The following LYPLA1 variants were observed in gnomAD, a reference collection of about 807,000 sequenced individuals.
The protein encoded by LYPLA1 is acyl-protein thioesterase 1.
Under a neutral mutation model 34.0 loss-of-function variants are expected in LYPLA1, and 17 were observed. That is an observed-to-expected ratio of 0.50 (90% CI 0.34 to 0.75). The LOEUF is 0.75. Ranked by LOEUF, LYPLA1 falls within the 30% of genes least tolerant of loss-of-function variation. LYPLA1 has a pLI of 0.01. For synonymous variants in LYPLA1, 98 were observed against 100.8 expected, an observed-to-expected ratio of 0.97 and a Z score of 0.17; for missense variants, 203 against 288.8, an observed-to-expected ratio of 0.70 and a Z score of 2.15.
chr8:54,068,004 C>G (rs1017929848), intron 2 of LYPLA1, among the ~76,000 whole-genome samples: 12 of 152,016 alleles, frequency 7.9e-5, no homozygotes, highest in Non-Finnish European at 1.5e-4. Flanking sequence ...AAATACTTTT[C>G]TATTAACTAT....
In LYPLA1 at chr8:54,065,775, GA is replaced by G; in HGVS notation, c.139del (p.Ser47HisfsTer17). 1 of 1,613,902 alleles carries G rather than the reference GA, an allele frequency of 6.2e-7. No homozygotes were observed. Among genetic ancestry groups the G allele is most frequent in the Non-Finnish European group, 8.5e-7 (1 of 1,179,868 alleles). On this transcript the variant is annotated frameshift_variant, in exon 3 of 9. Transcript: ENST00000316963. LOFTEE classifies it high-confidence loss of function. ...WAEAFAGIRS[S>X]HIKYICPHAP... Reference sequence around the variant, plus strand: ...ATGCGGGCAGATATATTTGATATGTGAACTTCTGATACCTGCAAAGGCTTCT... The same window carrying G: ...ATGCGGGCAGATATATTTGATATGTGACTTCTGATACCTGCAAAGGCTTCT...
chr8:54,096,917 A>G (rs990895921), intron 2 of LYPLA1, among the ~76,000 whole-genome samples: 1 of 152,158 alleles, frequency 6.6e-6, no homozygotes, highest in Non-Finnish European at 1.5e-5. Flanking sequence ...GTCTCAAAAA[A>G]TAAACAAATA....
Position 54,063,364 on chromosome 8 carries a change from G to C in LYPLA1, c.179C>G (p.Pro60Arg). 2.0e-6 allele frequency: 3 copies of C among 1,534,574 alleles called. No homozygotes were observed. Among genetic ancestry groups the C allele is most frequent in the Non-Finnish European group, 2.6e-6 (3 of 1,138,438 alleles). Residue 60 changes from proline (P) to arginine (R), a missense_variant, in exon 4 of 9, where the codon CCT becomes CGT. Physicochemically the swap from Pro to Arg is moderately radical, Grantham distance 103. Coordinates refer to ENST00000316963, the MANE Select transcript of LYPLA1 (RefSeq NM_006330.4). The part of the protein sequence containing the change: ...KYICPHAPVR[P>R]VTLNMNVAMP... ...AGCCACGTTCATATTTAATGTAACAGGCCTAACAGGCCTACATGGAAAAGA... is the reference window on the plus strand; with the variant it reads ...AGCCACGTTCATATTTAATGTAACACGCCTAACAGGCCTACATGGAAAAGA...
chr8:54,057,052 A>C (rs1806255952), intron 5 of LYPLA1, among the ~76,000 whole-genome samples: 1 of 152,186 alleles, frequency 6.6e-6, no homozygotes, highest in South Asian at 2.1e-4. Flanking sequence ...AACTACAATG[A>C]AATATCGTCT....
chr8:54,091,756 C>A (rs1408220512), intron 2 of LYPLA1, among the ~76,000 whole-genome samples: 1 of 152,086 alleles, frequency 6.6e-6, no homozygotes, highest in Non-Finnish European at 1.5e-5. Flanking sequence ...GTGTGATCCC[C>A]AGACCTGTAC....
chr8:54,094,188 G>C (rs984823541), intron 2 of LYPLA1, among the ~76,000 whole-genome samples: 1 of 152,130 alleles, frequency 6.6e-6, no homozygotes. Context: ...ATGTCACAGG[G>C]ACTGGTAATA....
Position 54,100,864 on chromosome 8 carries a change from G to A in LYPLA1, c.101+44C>T, listed in dbSNP as rs532305601. 81 of 1,526,100 alleles carry A rather than the reference G, an allele frequency of 5.3e-5. 2 individuals are homozygous for A. The South Asian group carries it at 9.1e-4, about 17-fold the overall frequency. 94.5% of individuals were successfully genotyped at this position (1,526,100 alleles called of 1,614,324 possible). ...TTGAACGCGTAAACAAAAGTTGCAT[G>A]ACCCAGTTTCATTACTGTTACTATT... On this transcript the variant is annotated intron_variant, in intron 2 of 8. Transcript: ENST00000316963.
intron 8 of LYPLA1, among the ~76,000 whole-genome samples, chr8:54,050,397 C>T (rs993409879): frequency 2.6e-5 from 4 of 152,176 alleles, no homozygotes; most frequent in African/African-American, 9.7e-5. Flanking sequence ...CTCACTTCAA[C>T]CAAAAACACT....
chr8:54,097,102 A>G (rs1586187087), intron 2 of LYPLA1, among the ~76,000 whole-genome samples: 1 of 152,314 alleles, frequency 6.6e-6, no homozygotes, highest in East Asian at 1.9e-4. Flanking sequence ...TGAAAGCTTG[A>G]TGAACAACTT....
intron 8 of LYPLA1, among the ~76,000 whole-genome samples, chr8:54,048,716 A>G (rs1294984415): frequency 6.6e-6 from 1 of 152,148 alleles, no homozygotes; most frequent in Non-Finnish European, 1.5e-5. Flanking sequence ...ATCAGCTCTT[A>G]TATTTCAAGG....
intron 2 of LYPLA1, among the ~76,000 whole-genome samples, chr8:54,080,112 G>A (rs1023848791): frequency 2.0e-5 from 3 of 152,074 alleles, no homozygotes; most frequent in Admixed American, 6.6e-5. Flanking sequence ...CAGGCTGGGC[G>A]TGGTGGCTCA....
chr8:54,086,438 T>TAAA (rs768755796), intron 2 of LYPLA1, among the ~76,000 whole-genome samples: 3 of 34,690 alleles, frequency 8.6e-5, no homozygotes, highest in African/African-American at 1.1e-4. Flanking sequence ...CTAAAAAAAT[T>TAAA]AAAAAAAAAA....
At chr8:54,054,990 A>G in intron 6 of LYPLA1, 70 bp downstream of exon 6, 1 of 909,852 alleles carries the variant, frequency 1.1e-6, no homozygotes, top group African/African-American at 1.7e-5. Flanking sequence ...ACTCTATAGA[A>G]AGGATTAATG....
intron 3 of LYPLA1, among the ~76,000 whole-genome samples, chr8:54,064,613 T>G (rs1563592005): frequency 6.6e-6 from 1 of 152,226 alleles, no homozygotes; most frequent in Non-Finnish European, 1.5e-5. Context: ...CTTTCATGTT[T>G]ATGTATCTGT....
chr8:54,089,186 A>G (rs1443337355), intron 2 of LYPLA1, among the ~76,000 whole-genome samples: 1 of 152,190 alleles, frequency 6.6e-6, no homozygotes, highest in African/African-American at 2.4e-5. Context: ...GTATACTTTA[A>G]AAGAGTGAAG....
chr8:54,100,894 A>C lies in LYPLA1; in HGVS notation c.101+14T>G. On this transcript the variant is annotated intron_variant, in intron 2 of 8. Coordinates refer to ENST00000316963, the MANE Select transcript of LYPLA1 (RefSeq NM_006330.4). ...AGTTTCATTACTGTTACTATTAATA[A>C]TAATGGTACCTACCCAGTATCTCCC... 1 of 1,600,968 alleles carries C rather than the reference A, an allele frequency of 6.2e-7. No individual in the cohort carries two copies. Among genetic ancestry groups the C allele is most frequent in the East Asian group, 2.2e-5 (1 of 44,794 alleles).
intron 1 of LYPLA1, 164 bp downstream of exon 1, chr8:54,101,590 GC>G (rs938802943): frequency 1.3e-5 from 15 of 1,148,040 alleles, no homozygotes; most frequent in East Asian, 1.2e-4. Context: ...GGCTGCCCCC[GC>G]CCCCCGCGGA....
Position 54,085,558 on chromosome 8 carries a change from G to A in LYPLA1, c.101+15350C>T, listed in dbSNP as rs189417751. On this transcript the variant is annotated intron_variant, in intron 2 of 8. Transcript: ENST00000316963. ...GAGCGTCTCTGCCCGGCCGCCCATC[G>A]TCTGGGATGTGGGGAGCGCCTCTGC... is the stretch of plus-strand genomic sequence containing the variant. Among the ~76,000 whole-genome samples the A allele has an allele frequency of 2.8e-4, 41 of 148,462 alleles. No individual in the cohort carries two copies. In the South Asian group the frequency reaches 5.6e-3, roughly 20 times the overall value.
At chr8:54,085,613 G>A (rs146582349) in intron 2 of LYPLA1, among the ~76,000 whole-genome samples, 18,468 of 148,950 alleles carry the variant, frequency 0.12, 2,950 homozygotes, top group African/African-American at 0.38. Context: ...TGTGAGGAGC[G>A]CCTCTGCCTG....
Sources: gnomAD v4.1 joint callset for allele counts (sites outside exome capture counted in the v4.1 genomes callset) on GRCh38, gnomAD v4.1.1 for gene constraint, MANE v1.5 for transcripts, NCBI Gene and HGNC (gene_info 2026-07-23, HGNC 2026-07-21) for gene names.